Variants in OGA observed in about 807,000 individuals in gnomAD.
OGA encodes the protein O-GlcNAcase.
In OGA, 21 loss-of-function variants were observed where a neutral mutation model predicts 102.0. That is an observed-to-expected ratio of 0.21 (90% CI 0.15 to 0.30). The LOEUF (loss-of-function observed/expected upper bound fraction) is 0.30, where lower values mean the gene tolerates loss of function less well. OGA is among the 10% of genes least tolerant of loss of function. The probability of loss-of-function intolerance (pLI) is 1.00; values close to 1 mark genes in which losing one functional copy is unlikely to be tolerated. For missense variants in OGA, 765 were observed against 1,107.8 expected (o/e 0.69, Z 4.39); for synonymous variants, 408 against 378.2 (o/e 1.08, Z -0.91).
chr10:101,786,348 C>T lies in OGA; in HGVS notation c.*103G>A. ...TCTTCTTTGTTTCGAATCCAATTGG[C>T]TGATTTGTTACCATTCTAGAGGCTG... On this transcript the variant is annotated 3_prime_UTR_variant, in exon 16 of 16. Coordinates refer to ENST00000361464, the MANE Select transcript of OGA (RefSeq NM_012215.5). 8.3e-7 allele frequency: 1 copy of T among 1,207,508 alleles called. No homozygotes were observed. The allele number at this position is 1,207,508 out of a possible 1,614,324, so 74.8% of individuals were successfully genotyped here.
intron 7 of OGA, 62 bp from the exon 8 acceptor site, chr10:101,800,462 T>C: frequency 7.4e-7 from 1 of 1,342,328 alleles, no homozygotes; most frequent in African/African-American, 1.4e-5. Flanking sequence ...TTCTGACAAG[T>C]GAGAAGAATA....
chr10:101,787,566 T>C lies in OGA; in HGVS notation c.2455-43A>G, dbSNP rs747148053. 2.6e-6 allele frequency: 4 copies of C among 1,535,202 alleles called. No homozygotes were observed. The East Asian group carries it at 9.0e-5, about 35-fold the overall frequency. ...TCTTGACTTTCACAATAGTTACGCA[T>C]TAGATATCTAACCCAACTACAGAAC... is the stretch of plus-strand genomic sequence containing the variant. On this transcript the variant is annotated intron_variant, in intron 14 of 15. Transcript: ENST00000361464.
chr10:101,817,880 G>A lies in OGA; in HGVS notation c.143C>T (p.Ala48Val), dbSNP rs745924989. 9.0e-6 allele frequency: 14 copies of A among 1,553,652 alleles called. No individual in the cohort carries two copies. The highest frequency in any genetic ancestry group is 4.4e-4 in the Middle Eastern group (2 of 4,508). ...CCCTCCTGCAGCCCCGGCCACCGCCGCTCCCCCAGCCCCGGCGGGGTTGTC... is the reference window on the plus strand; with the variant it reads ...CCCTCCTGCAGCCCCGGCCACCGCCACTCCCCCAGCCCCGGCGGGGTTGTC... ...GEDNPAGAGG[A>V]AVAGAAGGAR... Residue 48 changes from alanine (A) to valine (V), a missense_variant, in exon 1 of 16, where the codon GCG (alanine) becomes GTG (valine). By Grantham distance (64) the Ala-to-Val change is moderately conservative. Around this residue, in one of 7 missense-constraint regions of OGA, gnomAD observed 117 missense variants for 85.7 expected, o/e 1.36. Transcript: ENST00000361464.
At chr10:101,807,932 G>T in intron 4 of OGA, 31 bp from the exon 5 acceptor site, 1 of 1,441,648 alleles carries the variant, frequency 6.9e-7, no homozygotes. Context: ...AGAATCAAGA[G>T]TAAAAAAATT....
chr10:101,795,726 A>G (rs551625152), intron 10 of OGA: 1 of 175,030 alleles, frequency 5.7e-6, no homozygotes, highest in South Asian at 1.9e-4. Context: ...AGGGGTGTCC[A>G]ATCTTTTGGC....
chr10:101,815,575 C>T (rs2065611191), intron 1 of OGA, among the ~76,000 whole-genome samples: 1 of 152,138 alleles, frequency 6.6e-6, no homozygotes, highest in South Asian at 2.1e-4. Context: ...TGAGCCACCG[C>T]GCCCGGCCAA....
At chr10:101,794,754 A>T (rs560842116) in intron 10 of OGA, among the ~76,000 whole-genome samples, 3 of 152,242 alleles carry the variant, frequency 2.0e-5, no homozygotes, top group Non-Finnish European at 4.4e-5. Flanking sequence ...AGAAGTCTCT[A>T]TTTAAGGTCA....
rs775506618 is a variant in OGA, at chr10:101,817,943, G to A, written c.80C>T (p.Ala27Val). Residue 27 changes from alanine to valine, a missense_variant, in exon 1 of 16, where the codon GCA (alanine) becomes GTA (valine). Ala to Val is a moderately conservative substitution (Grantham distance 64). Around this residue, in one of 7 missense-constraint regions of OGA, gnomAD observed 117 missense variants for 85.7 expected, o/e 1.36. Transcript: ENST00000361464. The stretch of plus-strand genomic sequence containing the variant: ...CGGAGCTGCCGGCGGCTCCAGCGAT[G>A]CCCCCGCAGAGGCGGCAGGGTTGGA... ...LSSNPAASAG[A>V]SLEPPAAPAP... The A allele has an allele frequency of 1.9e-6, 3 of 1,595,548 alleles. No individual in the cohort carries two copies. The Admixed American group carries it at 5.1e-5, about 27-fold the overall frequency.
At chr10:101,803,644 G>T in intron 7 of OGA, 91 bp downstream of exon 7, 2 of 1,280,526 alleles carry the variant, frequency 1.6e-6, no homozygotes, top group African/African-American at 1.5e-5. Context: ...AACTGTTTAA[G>T]TTGTGATGAC....
chr10:101,794,234 C>G (rs535125227), intron 10 of OGA: 1 of 266,068 alleles, frequency 3.8e-6, no homozygotes, highest in Admixed American at 5.2e-5. Flanking sequence ...TCTTTAATTA[C>G]TGGAAGGAAA....
intron 8 of OGA, 120 bp downstream of exon 8, chr10:101,800,122 C>T: frequency 9.1e-7 from 1 of 1,098,960 alleles, no homozygotes; most frequent in Non-Finnish European, 1.3e-6. Flanking sequence ...ATCCGCCTGC[C>T]TCGGCCTCCC....
intron 2 of OGA, 63 bp from the exon 3 acceptor site, chr10:101,813,190 T>G: frequency 4.7e-6 from 5 of 1,062,802 alleles, no homozygotes; most frequent in Non-Finnish European, 7.1e-6. Context: ...TCAATCTCCA[T>G]TTCCCTCTTC....
intron 14 of OGA, among the ~76,000 whole-genome samples, chr10:101,788,734 CAAAAAAA>C (rs755718266): frequency 2.6e-5 from 2 of 76,500 alleles, no homozygotes; most frequent in African/African-American, 1.0e-4. Context: ...AACTCCGTCT[CAAAAAAA>C]AAAAAAAAAA....
chr10:101,800,369 C>A lies in OGA; in HGVS notation c.1068G>T (p.Gln356His), dbSNP rs1243877426. 1 of 1,613,432 alleles carries A rather than the reference C, an allele frequency of 6.2e-7. No homozygotes were observed. The highest frequency in any genetic ancestry group is 8.5e-7 in the Non-Finnish European group (1 of 1,179,432). The change falls in exon 8 of 16, where the codon CAG becomes CAT. Residue 356 changes from glutamine (Q) to histidine (H), a missense_variant. This residue lies in a region of OGA where 33 missense variants were observed against 52.5 expected (regional missense o/e 0.63). Coordinates refer to ENST00000361464, the MANE Select transcript of OGA (RefSeq NM_012215.5). Reference sequence around the variant, plus strand: ...CACTGCCTTCATTTTCTAATTTTATCTGGATGGACACAGTACTATCTTCAC... The same window carrying A: ...CACTGCCTTCATTTTCTAATTTTATATGGATGGACACAGTACTATCTTCAC... ...TDSEDSTVSI[Q>H]IKLENEGSDE...
rs191084296 is a variant in OGA, at chr10:101,789,249, A to G, written c.2454+1647T>C. The stretch of plus-strand genomic sequence containing the variant: ...CGCGGTGGCTCACGCCTATAATCCT[A>G]GCACTTTGGGAGGCTGAGGAGGGCG... On this transcript the variant is annotated intron_variant, in intron 14 of 15. Coordinates refer to ENST00000361464, the MANE Select transcript of OGA (RefSeq NM_012215.5). 3.2e-3 allele frequency among the ~76,000 whole-genome samples: 480 copies of G among 152,370 alleles called. 5 individuals are homozygous for G. The highest frequency in any genetic ancestry group is 0.011 in the African/African-American group (466 of 41,590).
At chr10:101,807,647 GGA>G in intron 5 of OGA, 81 bp downstream of exon 5, 1 of 957,090 alleles carries the variant, frequency 1.0e-6, no homozygotes. Context: ...GGAGGGAAGT[GGA>G]GAGAGAATGG....
chr10:101,793,781 G>C, intron 11 of OGA, 132 bp downstream of exon 11: 1 of 650,356 alleles, frequency 1.5e-6, no homozygotes, highest in Non-Finnish European at 2.7e-6. Context: ...TAAAAATCCA[G>C]CTATGTAACT....
chr10:101,795,276 A>T (rs2135042750), intron 10 of OGA, among the ~76,000 whole-genome samples: 1 of 152,354 alleles, frequency 6.6e-6, no homozygotes, highest in Admixed American at 6.5e-5. Context: ...AGCTGCATGT[A>T]CGAAGAGCTG....
chr10:101,798,786 T>C, intron 9 of OGA, 56 bp downstream of exon 9: 2 of 1,548,896 alleles, frequency 1.3e-6, no homozygotes, highest in African/African-American at 1.4e-5. Flanking sequence ...CTTTTCCACA[T>C]TACCAGTATG....
Sources: allele counts gnomAD v4.1 joint callset (sites outside exome capture counted in the v4.1 genomes callset), GRCh38; gene constraint gnomAD v4.1.1; regional missense constraint gnomAD v4.1.1; transcripts MANE v1.5; gene names NCBI Gene and HGNC (gene_info 2026-07-23, HGNC 2026-07-21).